The following TUSC3 variants were observed in gnomAD, a reference collection of about 807,000 sequenced individuals.
TUSC3 encodes the protein dolichyl-diphosphooligosaccharide--protein glycosyltransferase subunit TUSC3.
In TUSC3, 45 loss-of-function variants were observed where a neutral mutation model predicts 44.8. That is an observed-to-expected ratio of 1.00 (90% CI 0.79 to 1.29). The LOEUF is 1.29. Ranked by LOEUF, TUSC3 falls within the 50% of genes most tolerant of loss-of-function variation. The pLI is 0.00. For missense variants in TUSC3, 519 were observed against 437.9 expected (o/e 1.19, Z -1.65); for synonymous variants, 212 against 152.9 (o/e 1.39, Z -2.85).
chr8:15,734,653 T>G (rs980426666), intron 7 of TUSC3, among the ~76,000 whole-genome samples: 1 of 152,276 alleles, frequency 6.6e-6, no homozygotes, highest in East Asian at 1.9e-4. Flanking sequence ...TATAATACAG[T>G]GAGACAAATG....
chr8:15,443,960 TC>T (rs1191669512), intron 1 of TUSC3, among the ~76,000 whole-genome samples: 2 of 151,888 alleles, frequency 1.3e-5, no homozygotes, highest in African/African-American at 4.8e-5. Context: ...CTCACTGGCT[TC>T]CCCCACCCCA....
intron 2 of TUSC3, among the ~76,000 whole-genome samples, chr8:15,507,107 T>C (rs962624051): frequency 2.0e-5 from 3 of 152,210 alleles, no homozygotes; most frequent in Non-Finnish European, 4.4e-5. Flanking sequence ...ACTTGCCTTC[T>C]GTAAGTTGAT....
intron 1 of TUSC3, among the ~76,000 whole-genome samples, chr8:15,430,155 C>G (rs1216971957): frequency 6.8e-6 from 1 of 147,944 alleles, no homozygotes. Context: ...GGTACCAAAG[C>G]CTGGCAGAGA....
At chr8:15,670,741 TGAAAA>T (rs920201612) in intron 5 of TUSC3, among the ~76,000 whole-genome samples, 10 of 151,672 alleles carry the variant, frequency 6.6e-5, no homozygotes, top group African/African-American at 1.9e-4. Context: ...ATTAATAAAA[TGAAAA>T]GAAAGACAAG....
chr8:15,532,462 T>C (rs1025084904), intron 2 of TUSC3, among the ~76,000 whole-genome samples: 1 of 152,108 alleles, frequency 6.6e-6, no homozygotes, highest in African/African-American at 2.4e-5. Context: ...AGACCATAGA[T>C]CCACAGGAAA....
At chr8:15,438,695 T>A (rs990420237) in intron 1 of TUSC3, among the ~76,000 whole-genome samples, 3 of 152,228 alleles carry the variant, frequency 2.0e-5, no homozygotes, top group African/African-American at 7.2e-5. Flanking sequence ...CATAATGTTC[T>A]GTAGAATAAC....
chr8:15,720,199 T>TACACACACACACACACACAC (rs1278052451), intron 6 of TUSC3, among the ~76,000 whole-genome samples: 2 of 100,890 alleles, frequency 2.0e-5, no homozygotes, highest in Admixed American at 9.8e-5. Context: ...TGTATATATA[T>TACACACACACACACACACAC]ATACACACAC....
chr8:15,753,125 C>T (rs1811776961), intron 9 of TUSC3, among the ~76,000 whole-genome samples: 2 of 151,832 alleles, frequency 1.3e-5, no homozygotes, highest in South Asian at 2.1e-4. Flanking sequence ...TTTTCTAATC[C>T]TATAATGTTC....
At chr8:15,841,954 G>T in the TUSC3 span, among the ~76,000 whole-genome samples, 1 of 152,108 alleles carries the variant, frequency 6.6e-6, no homozygotes, top group Non-Finnish European at 1.5e-5. Context: ...GTATTTCCCT[G>T]ATGTGTTCTT....
chr8:15,632,885 T>G (rs558956659), intron 2 of TUSC3, among the ~76,000 whole-genome samples: 1 of 152,322 alleles, frequency 6.6e-6, no homozygotes, highest in Non-Finnish European at 1.5e-5. Flanking sequence ...TCCTTTAGTC[T>G]ACTTTCTGGT....
chr8:15,489,196 G>A (rs1421910768), intron 2 of TUSC3, among the ~76,000 whole-genome samples: 1 of 152,150 alleles, frequency 6.6e-6, no homozygotes, highest in South Asian at 2.1e-4. Flanking sequence ...GTCTACATTG[G>A]TTCAGTCGGG....
chr8:15,711,509 G>T (rs1809851778), intron 6 of TUSC3, among the ~76,000 whole-genome samples: 1 of 147,784 alleles, frequency 6.8e-6, no homozygotes, highest in Non-Finnish European at 1.5e-5. Context: ...TAATATGTGT[G>T]TATATATATA....
At chr8:15,577,337 T>C (rs909989359) in intron 1 of TUSC3, among the ~76,000 whole-genome samples, 1 of 151,892 alleles carries the variant, frequency 6.6e-6, no homozygotes, top group Non-Finnish European at 1.5e-5. Context: ...TTTGTCAATT[T>C]TGGCTTTTGT....
At chr8:15,689,028 C>A (rs1490225624) in intron 6 of TUSC3, 2 of 267,744 alleles carry the variant, frequency 7.5e-6, no homozygotes, top group Admixed American at 5.0e-5. Context: ...CTGTTACCAC[C>A]CAGTGCAGGG....
chr8:15,674,250 A>T (rs528821465), intron 6 of TUSC3, among the ~76,000 whole-genome samples: 12 of 152,156 alleles, frequency 7.9e-5, no homozygotes, highest in Admixed American at 3.3e-4. Context: ...TGGTCATTGT[A>T]TTAGAATGTT....
chr8:15,549,639 A>G (rs1038023984), intron 1 of TUSC3, among the ~76,000 whole-genome samples: 1 of 151,690 alleles, frequency 6.6e-6, no homozygotes, highest in Non-Finnish European at 1.5e-5. Flanking sequence ...GAAGGAAAAG[A>G]AAACGGGGCC....
At chr8:15,419,553 C>T (rs964689864) in intron 1 of TUSC3, among the ~76,000 whole-genome samples, 1 of 152,052 alleles carries the variant, frequency 6.6e-6, no homozygotes, top group Non-Finnish European at 1.5e-5. Flanking sequence ...AAAATTCCTC[C>T]TTTTAAAAAG....
chr8:15,794,159 G>A, the TUSC3 span, among the ~76,000 whole-genome samples: 1 of 152,136 alleles, frequency 6.6e-6, no homozygotes, highest in African/African-American at 2.4e-5. Context: ...ATTAAACTTA[G>A]GGAATCTGCT....
At chr8:15,450,419 C>A (rs1180633416) in intron 1 of TUSC3, among the ~76,000 whole-genome samples, 3 of 152,166 alleles carry the variant, frequency 2.0e-5, no homozygotes, top group Non-Finnish European at 4.4e-5. Context: ...GGCGTGGCGG[C>A]TAACACCTGT....
Sources: allele counts gnomAD v4.1 joint callset (sites outside exome capture counted in the v4.1 genomes callset), GRCh38; gene constraint gnomAD v4.1.1; transcripts MANE v1.5; gene names NCBI Gene and HGNC (gene_info 2026-07-23, HGNC 2026-07-21).